The following DMD variants were observed in gnomAD, a reference collection of about 807,000 sequenced individuals.
DMD encodes the protein dystrophin.
In DMD, 63 loss-of-function variants were observed where a neutral mutation model predicts 330.1. The observed-to-expected ratio is 0.19, with a 90% CI of 0.16 to 0.24. DMD has a LOEUF of 0.24. DMD is among the 10% of genes least tolerant of loss of function. The probability of loss-of-function intolerance (pLI) is 1.00; values close to 1 mark genes in which losing one functional copy is unlikely to be tolerated. For missense variants in DMD, 3,344 were observed against 2,684.1 expected (o/e 1.25, Z -5.43); for synonymous variants, 1,223 against 959.8 (o/e 1.27, Z -5.07).
At chrX:32,375,678 G>T (rs185543595) in intron 34 of DMD, among the ~76,000 whole-genome samples, 6 of 111,266 alleles carry the variant, frequency 5.4e-5, no homozygotes, top group Non-Finnish European at 1.1e-4. Flanking sequence ...GATAGCTCTT[G>T]TTCTGTATTC....
chrX:32,626,061 C>G (rs1393813993), intron 11 of DMD, among the ~76,000 whole-genome samples: 2 of 112,418 alleles, frequency 1.8e-5, no homozygotes, highest in African/African-American at 6.5e-5. Flanking sequence ...GGGAAAGATA[C>G]CAGTACAAAT....
At chrX:32,033,673 G>GAAAGA (rs778084461) in intron 44 of DMD, among the ~76,000 whole-genome samples, 324 of 80,855 alleles carry the variant, frequency 4.0e-3, no homozygotes, top group Non-Finnish European at 6.4e-3. Context: ...AGAAAGAAAG[G>GAAAGA]AAGGAAAGAA....
chrX:32,812,330 C>A (rs2077429511), intron 6 of DMD, among the ~76,000 whole-genome samples: 1 of 112,119 alleles, frequency 8.9e-6, no homozygotes, highest in Non-Finnish European at 1.9e-5. Context: ...TGTTATTTTT[C>A]TAAAACTGTA....
At position 33,076,859 on chromosome X, in the gene DMD, C is replaced by T. The variant is rs1456287206; in HGVS notation, c.32-56659G>A. Among the ~76,000 whole-genome samples the T allele has an allele frequency of 5.4e-5, 6 of 111,258 alleles. No individual in the cohort carries two copies. The Admixed American group carries it at 5.8e-4, about 11-fold the overall frequency. On this transcript the variant is annotated intron_variant, in intron 1 of 78. Coordinates refer to ENST00000357033, the MANE Select transcript of DMD (RefSeq NM_004006.3). ...CCTCAGAGCCAGCTGTGCGGGAGAC[C>T]GAAGTTTTATTATTACTCAAATCAG... is the stretch of plus-strand genomic sequence containing the variant.
chrX:32,782,979 C>A (rs1425232432), intron 7 of DMD, among the ~76,000 whole-genome samples: 1 of 102,392 alleles, frequency 9.8e-6, no homozygotes, highest in Non-Finnish European at 2.0e-5. Flanking sequence ...CATATATATA[C>A]CTATATGGTG....
In DMD at chrX:31,400,977, A is replaced by G. The variant is rs1375347847; in HGVS notation, c.9084+43504T>C. Among the ~76,000 whole-genome samples the G allele has an allele frequency of 2.7e-5, 3 of 111,900 alleles. No homozygotes were observed. The East Asian group carries it at 8.4e-4, about 31-fold the overall frequency. ...AGGAAAGCCAATTTTCATTTATTATAAAGACTTTGAAACAACCAGAACTGC... is the reference window on the plus strand; with the variant it reads ...AGGAAAGCCAATTTTCATTTATTATGAAGACTTTGAAACAACCAGAACTGC... On this transcript the variant is annotated intron_variant, in intron 60 of 78. Transcript: ENST00000357033.
chrX:33,035,891 G>A (rs1433331706), intron 1 of DMD, among the ~76,000 whole-genome samples: 1 of 111,678 alleles, frequency 9.0e-6, no homozygotes. Context: ...ACCAGTAACC[G>A]CTAAAAGAGG....
At position 32,520,844 on chromosome X, in the gene DMD, CTT is replaced by C. The variant is rs746203243; in HGVS notation, c.2169-2715_2169-2714del. Among the ~76,000 whole-genome samples, 627 of 87,914 alleles carry C rather than the reference CTT, an allele frequency of 7.1e-3. 8 individuals are homozygous for C. Among genetic ancestry groups the C allele is most frequent in the East Asian group, 0.037 (104 of 2,846 alleles). The allele number at this position is 87,914 out of a possible 115,157, so 76.3% of individuals were successfully genotyped here. On this transcript the variant is annotated intron_variant, in intron 17 of 78. Coordinates refer to ENST00000357033, the MANE Select transcript of DMD (RefSeq NM_004006.3). The stretch of plus-strand genomic sequence containing the variant: ...CAAATGAACCTAGCATCCTGCCATA[CTT>C]TTTTTTTTTTTTTTTTTTCCCAAGT...
intron 20 of DMD, among the ~76,000 whole-genome samples, chrX:32,488,985 G>C (rs2042736251): frequency 9.0e-6 from 1 of 111,134 alleles, no homozygotes; most frequent in Admixed American, 9.6e-5. Context: ...TATCACAAAA[G>C]TCTCAACTCA....
At chrX:33,194,445 G>C (rs2050817506) in intron 1 of DMD, among the ~76,000 whole-genome samples, 1 of 110,081 alleles carries the variant, frequency 9.1e-6, no homozygotes, top group Admixed American at 9.9e-5. Flanking sequence ...TTTAGTTGAA[G>C]ATAATACAAT....
chrX:32,813,606 T>C lies in DMD; in HGVS notation c.530+2862A>G, dbSNP rs766154397. The stretch of plus-strand genomic sequence containing the variant: ...TTCTATTATTTTGCTGTAATGTTAA[T>C]TACATTTATATAAGAAGAGTGATGT... On this transcript the variant is annotated intron_variant, in intron 6 of 78. Transcript: ENST00000357033. Among the ~76,000 whole-genome samples, 4 of 112,025 alleles carry C rather than the reference T, an allele frequency of 3.6e-5. No homozygotes were observed. In the South Asian group the frequency reaches 1.5e-3, roughly 41 times the overall value.
chrX:32,927,363 C>CTTTTTTTTT (rs536073565), intron 2 of DMD, among the ~76,000 whole-genome samples: 1 of 57,004 alleles, frequency 1.8e-5, no homozygotes, highest in Non-Finnish European at 3.1e-5. Context: ...TTCTTTCTTT[C>CTTTTTTTTT]TTTTTTTTTT....
intron 23 of DMD, among the ~76,000 whole-genome samples, chrX:32,466,176 A>G (rs1288875844): frequency 9.0e-6 from 1 of 110,924 alleles, no homozygotes; most frequent in African/African-American, 3.3e-5. Flanking sequence ...TCTACTCTCA[A>G]TCCAGTTTTC....
At chrX:32,705,870 T>A (rs1241855744) in intron 7 of DMD, among the ~76,000 whole-genome samples, 2 of 110,458 alleles carry the variant, frequency 1.8e-5, no homozygotes, top group African/African-American at 6.6e-5. Context: ...GCCATCCCAT[T>A]ACTGGGTATA....
chrX:32,060,429 T>C (rs1187983042), intron 44 of DMD, among the ~76,000 whole-genome samples: 1 of 111,481 alleles, frequency 9.0e-6, no homozygotes, highest in Non-Finnish European at 1.9e-5. Flanking sequence ...AAACTTAATC[T>C]ATATCATCCT....
chrX:32,877,168 C>T (rs745549760), intron 2 of DMD, among the ~76,000 whole-genome samples: 7 of 111,875 alleles, frequency 6.3e-5, no homozygotes, highest in African/African-American at 2.3e-4. Flanking sequence ...CATTACAAAA[C>T]TCACTTGACT....
At chrX:32,046,248 G>A (rs1453884738) in intron 44 of DMD, among the ~76,000 whole-genome samples, 1 of 112,403 alleles carries the variant, frequency 8.9e-6, no homozygotes, top group Admixed American at 9.4e-5. Context: ...CTAATATAAT[G>A]TACTGGGTAG....
chrX:32,800,195 T>C (rs1042989187), intron 7 of DMD, among the ~76,000 whole-genome samples: 1 of 111,917 alleles, frequency 8.9e-6, no homozygotes, highest in African/African-American at 3.2e-5. Flanking sequence ...GCCAACATCA[T>C]GCATAAGCTA....
intron 44 of DMD, among the ~76,000 whole-genome samples, chrX:31,979,233 T>G (rs2095458903): frequency 9.0e-6 from 1 of 111,352 alleles, no homozygotes; most frequent in African/African-American, 3.3e-5. Flanking sequence ...TTTAAAATTT[T>G]TTTGTGGAGA....
Sources: allele counts gnomAD v4.1 joint callset (sites outside exome capture counted in the v4.1 genomes callset), GRCh38; gene constraint gnomAD v4.1.1; transcripts MANE v1.5; gene names NCBI Gene and HGNC (gene_info 2026-07-23, HGNC 2026-07-21).